MECOM: variants seen among roughly 807,000 people sequenced by gnomAD.
MECOM encodes histone-lysine N-methyltransferase MECOM.
In MECOM, 13 loss-of-function variants were observed where a neutral mutation model predicts 116.3. The ratio of observed to expected loss-of-function variants is 0.11; its 90% CI spans 0.07 to 0.18. MECOM has a LOEUF of 0.18. MECOM is among the 10% of genes least tolerant of loss of function. MECOM has a pLI of 1.00. For missense variants in MECOM, 1,299 were observed against 1,509.0 expected, an observed-to-expected ratio of 0.86 and a Z score of 2.31; for synonymous variants, 528 against 535.2, an observed-to-expected ratio of 0.99 and a Z score of 0.19.
At chr3:169,575,646 C>G (rs1395543006) in intron 1 of MECOM, among the ~76,000 whole-genome samples, 1 of 152,146 alleles carries the variant, frequency 6.6e-6, no homozygotes, top group Non-Finnish European at 1.5e-5. Context: ...AGGCAGAGAA[C>G]TGATATTCTG....
chr3:169,122,805 G>T (rs1731485645), intron 5 of MECOM, 78 bp from the exon 6 acceptor site: 2 of 1,497,704 alleles, frequency 1.3e-6, no homozygotes, highest in South Asian at 2.5e-5. Context: ...TAATCCAACT[G>T]GTAATTAAAG....
At chr3:169,482,349 T>TTTC (rs1751438727) in intron 1 of MECOM, among the ~76,000 whole-genome samples, 1 of 148,550 alleles carries the variant, frequency 6.7e-6, no homozygotes, top group African/African-American at 2.5e-5. Flanking sequence ...TTTTTTTTTT[T>TTTC]GAGACGGAGT....
chr3:169,395,552 AAC>A (rs1168838880), intron 1 of MECOM, among the ~76,000 whole-genome samples: 2 of 152,248 alleles, frequency 1.3e-5, no homozygotes, highest in Admixed American at 6.5e-5. Context: ...TTAACAACCA[AAC>A]ACAGTCAATT....
At chr3:169,254,606 T>C (rs1756640918) in intron 2 of MECOM, among the ~76,000 whole-genome samples, 1 of 152,178 alleles carries the variant, frequency 6.6e-6, no homozygotes, top group Admixed American at 6.6e-5. Flanking sequence ...CGTTGAATTA[T>C]AATTTCCTAA....
Position 169,651,930 on chromosome 3 carries a change from A to G in MECOM, c.37+11406T>C, listed in dbSNP as rs769841078. On this transcript the variant is annotated intron_variant, in intron 1 of 16. Transcript: ENST00000651503. Reference sequence around the variant, plus strand: ...CTGCAGGCAATTTATGACAAAAAAGAAAGAAAATAACTTTCATTTTTATTT... The same window carrying G: ...CTGCAGGCAATTTATGACAAAAAAGGAAGAAAATAACTTTCATTTTTATTT... Among the ~76,000 whole-genome samples, 20 of 152,230 alleles carry G rather than the reference A, an allele frequency of 1.3e-4. 1 individual carries two copies. Among genetic ancestry groups the G allele is most frequent in the Admixed American group, 8.5e-4 (13 of 15,290 alleles).
intron 1 of MECOM, among the ~76,000 whole-genome samples, chr3:169,576,463 AAGGTATTGG>A (rs1181185104): frequency 6.6e-6 from 1 of 152,102 alleles, no homozygotes; most frequent in Non-Finnish European, 1.5e-5. Context: ...CACATCAAAA[AAGGTATTGG>A]AATTTTTATT....
At chr3:169,370,256 C>A (rs1454428145) in intron 2 of MECOM, among the ~76,000 whole-genome samples, 1 of 151,872 alleles carries the variant, frequency 6.6e-6, no homozygotes, top group East Asian at 1.9e-4. Flanking sequence ...AGGGTGCCAA[C>A]AACACACAAT....
At chr3:169,574,995 C>T (rs868405693) in intron 1 of MECOM, among the ~76,000 whole-genome samples, 3 of 152,010 alleles carry the variant, frequency 2.0e-5, no homozygotes, top group Non-Finnish European at 4.4e-5. Context: ...ATAATACAAC[C>T]GAAGCAGGGG....
intron 1 of MECOM, among the ~76,000 whole-genome samples, chr3:169,649,402 T>C (rs1380971663): frequency 2.0e-4 from 4 of 20,208 alleles, no homozygotes; most frequent in African/African-American, 8.0e-4. Flanking sequence ...AGAGCGAAAC[T>C]CCATCTCAAA....
At chr3:169,146,861 GT>G in intron 2 of MECOM, 1 of 1,033,910 alleles carries the variant, frequency 9.7e-7, no homozygotes. Context: ...ATTTAGAGAT[GT>G]TTAAAAATAA....
intron 2 of MECOM, among the ~76,000 whole-genome samples, chr3:169,310,961 TAAATTACAA>T (rs1454820669): frequency 6.6e-6 from 1 of 152,160 alleles, no homozygotes; most frequent in African/African-American, 2.4e-5. Flanking sequence ...AATGATAAAT[TAAATTACAA>T]AGGGAGACAT....
At chr3:169,424,866 TTTCTGCAGATTA>T (rs1421634077) in intron 1 of MECOM, among the ~76,000 whole-genome samples, 2 of 152,156 alleles carry the variant, frequency 1.3e-5, no homozygotes, top group African/African-American at 4.8e-5. Flanking sequence ...CTTTAACCAG[TTTCTGCAGATTA>T]TTACAGTCAA....
At chr3:169,389,671 G>A in intron 1 of MECOM, 1 of 773,292 alleles carries the variant, frequency 1.3e-6, no homozygotes, top group Middle Eastern at 6.6e-4. Flanking sequence ...AGCAGACTGG[G>A]TGGTTACTCC....
intron 1 of MECOM, among the ~76,000 whole-genome samples, chr3:169,447,278 T>C (rs1445958208): frequency 6.6e-6 from 1 of 152,126 alleles, no homozygotes; most frequent in African/African-American, 2.4e-5. Flanking sequence ...TCTTCTCCTA[T>C]AAAAATGCAC....
chr3:169,253,666 A>G (rs536617965), intron 2 of MECOM, among the ~76,000 whole-genome samples: 3 of 152,134 alleles, frequency 2.0e-5, no homozygotes, highest in Admixed American at 6.5e-5. Context: ...TTTTGAATGT[A>G]TATATTTGCA....
At chr3:169,652,084 C>G (rs1022985601) in intron 1 of MECOM, among the ~76,000 whole-genome samples, 7 of 151,782 alleles carry the variant, frequency 4.6e-5, no homozygotes, top group Admixed American at 3.9e-4. Flanking sequence ...TAAGGTGAAT[C>G]AAGTCTGAAA....
At chr3:169,486,037 A>ACATATATATAC (rs1211986892) in intron 1 of MECOM, among the ~76,000 whole-genome samples, 1 of 135,890 alleles carries the variant, frequency 7.4e-6, no homozygotes, top group Non-Finnish European at 1.5e-5. Flanking sequence ...GTATATATAT[A>ACATATATATAC]TATGTATATA....
intron 1 of MECOM, among the ~76,000 whole-genome samples, chr3:169,488,372 C>CA (rs758493062): frequency 0.079 from 4,913 of 62,336 alleles, 165 homozygotes; most frequent in East Asian, 0.32. Context: ...ACTAAAAATA[C>CA]AAAAAAAAAA....
chr3:169,612,843 T>C (rs1466378013), intron 1 of MECOM, among the ~76,000 whole-genome samples: 1 of 152,158 alleles, frequency 6.6e-6, no homozygotes, highest in Non-Finnish European at 1.5e-5. Flanking sequence ...CACCTAAAGA[T>C]TTCCCCACAA....
Sources: allele counts gnomAD v4.1 joint callset (sites outside exome capture counted in the v4.1 genomes callset), GRCh38; gene constraint gnomAD v4.1.1; transcripts MANE v1.5; gene names NCBI Gene and HGNC (gene_info 2026-07-23, HGNC 2026-07-21).